The following FNDC7 variants were observed in gnomAD, a reference collection of about 807,000 sequenced individuals.
FNDC7 encodes the protein fibronectin type III domain-containing protein 7.
In FNDC7, 66 loss-of-function variants were observed where a neutral mutation model predicts 74.2. The observed-to-expected ratio is 0.89, with a 90% CI of 0.73 to 1.09. The LOEUF (loss-of-function observed/expected upper bound fraction) is 1.09. FNDC7 is among the 50% of genes least tolerant of loss of function. The pLI is 0.00. For missense variants in FNDC7, 829 were observed against 893.4 expected (o/e 0.93, Z 0.92); for synonymous variants, 307 against 330.2 (o/e 0.93, Z 0.76).
In FNDC7 at chr1:108,717,989, G is replaced by T; in HGVS notation, c.295G>T (p.Ala99Ser). ...AATCACCATCAGATCCATCAGCGCT[G>T]CTGGGAGAAGCCAGGCGTCACCTCC... ...YEITIRSISA[A>S]GRSQASPPKQ... Residue 99 changes from alanine (A) to serine (S), a missense_variant, in exon 3 of 13, where the codon GCT (alanine) becomes TCT (serine). Coordinates refer to ENST00000370017, the MANE Select transcript of FNDC7 (RefSeq NM_001144937.3). 1 of 1,551,740 alleles carries T rather than the reference G, an allele frequency of 6.4e-7. No individual in the cohort carries two copies. Among genetic ancestry groups the T allele is most frequent in the Non-Finnish European group, 8.7e-7 (1 of 1,147,006 alleles).
intron 4 of FNDC7, among the ~76,000 whole-genome samples, chr1:108,721,671 TAAGAA>T (rs767472658): frequency 2.0e-5 from 3 of 152,192 alleles, no homozygotes; most frequent in Non-Finnish European, 2.9e-5. Flanking sequence ...CGGTAACTCT[TAAGAA>T]AGGAAGGTAT....
chr1:108,724,374 T>A (rs1661158305), intron 5 of FNDC7, among the ~76,000 whole-genome samples: 1 of 152,050 alleles, frequency 6.6e-6, no homozygotes, highest in Non-Finnish European at 1.5e-5. Context: ...TCTAGTATCT[T>A]AACTCTATGC....
At position 108,742,513 on chromosome 1, in the gene FNDC7, G is replaced by A. The variant is rs1661672987; in HGVS notation, c.*626G>A. On this transcript the variant is annotated 3_prime_UTR_variant, in exon 13 of 13. Coordinates refer to ENST00000370017, the MANE Select transcript of FNDC7 (RefSeq NM_001144937.3). ...ATCAGGTGGCGTGACATCTATGGGA[G>A]CATCTGGGAAAGCAGAGCTGCCAGC... 1 of 152,256 alleles carries A rather than the reference G, an allele frequency of 6.6e-6. No homozygotes were observed. The highest frequency in any genetic ancestry group is 6.5e-5 in the Admixed American group (1 of 15,284). The allele number at this position is 152,256 out of a possible 1,614,324, so 9.4% of individuals were successfully genotyped here.
intron 9 of FNDC7, 27 bp downstream of exon 9, chr1:108,730,955 C>T (rs765274557): frequency 2.5e-6 from 4 of 1,583,792 alleles, no homozygotes; most frequent in Non-Finnish European, 2.6e-6. Context: ...TCTAGAGTAG[C>T]AGTAAGGACT....
At chr1:108,715,482 T>C (rs998272007) in intron 2 of FNDC7, among the ~76,000 whole-genome samples, 1 of 150,800 alleles carries the variant, frequency 6.6e-6, no homozygotes, top group Non-Finnish European at 1.5e-5. Flanking sequence ...TTGATGCTGG[T>C]CACAGCCTGC....
chr1:108,713,703 G>T (rs1660919559), intron 2 of FNDC7, among the ~76,000 whole-genome samples, 174 bp downstream of exon 2: 1 of 152,128 alleles, frequency 6.6e-6, no homozygotes, highest in Non-Finnish European at 1.5e-5. Context: ...GACAATAACT[G>T]GTAAGACAAA....
At chr1:108,739,793 T>C (rs1187974997) in intron 11 of FNDC7, among the ~76,000 whole-genome samples, 1 of 152,190 alleles carries the variant, frequency 6.6e-6, no homozygotes, top group East Asian at 1.9e-4. Context: ...TCTGTCCTTC[T>C]AGGCTTCAGC....
chr1:108,717,725 A>T lies in FNDC7; in HGVS notation c.83-52A>T, dbSNP rs905718285. 20 of 1,521,516 alleles carry T rather than the reference A, an allele frequency of 1.3e-5. No individual in the cohort carries two copies. The African/African-American group carries it at 2.6e-4, about 20-fold the overall frequency. The allele number at this position is 1,521,516 out of a possible 1,614,324, so 94.3% of individuals were successfully genotyped here. A position where few individuals can be genotyped will look rare whatever the true frequency, so the allele number is the denominator to read the frequency against. ...GCTTGAAGAGTAAAATGATGAAAGA[A>T]GTCATCCTCGTAGGTATCTTGGCTA... is the stretch of plus-strand genomic sequence containing the variant. On this transcript the variant is annotated intron_variant, in intron 2 of 12. Transcript: ENST00000370017.
rs533081338 is a variant in FNDC7, at chr1:108,739,707, T to G, written c.2171-2066T>G. Reference sequence around the variant, plus strand: ...CTGGCCTAGTGAAGTGCCTCTATATTTCCATCAGGTTCCCAGGTGATTTTG... The same window carrying G: ...CTGGCCTAGTGAAGTGCCTCTATATGTCCATCAGGTTCCCAGGTGATTTTG... On this transcript the variant is annotated intron_variant, in intron 11 of 12. Transcript: ENST00000370017. 4.9e-4 allele frequency among the ~76,000 whole-genome samples: 74 copies of G among 152,286 alleles called. No homozygotes were observed. In the South Asian group the frequency reaches 0.015, roughly 30 times the overall value.
chr1:108,739,125 A>C (rs1462658795), intron 11 of FNDC7, among the ~76,000 whole-genome samples: 1 of 152,192 alleles, frequency 6.6e-6, no homozygotes, highest in African/African-American at 2.4e-5. Flanking sequence ...AAAAAATAAA[A>C]ATGTAAAAAT....
chr1:108,732,954 T>G (rs931077928), intron 9 of FNDC7, among the ~76,000 whole-genome samples: 1 of 150,034 alleles, frequency 6.7e-6, no homozygotes, highest in Non-Finnish European at 1.5e-5. Flanking sequence ...TTTTTTTTTT[T>G]GTAGAGTCAG....
chr1:108,737,444 A>G, intron 10 of FNDC7, 51 bp from the exon 11 acceptor site: 1 of 1,462,764 alleles, frequency 6.8e-7, no homozygotes, highest in Non-Finnish European at 9.4e-7. Context: ...TCACTATCTT[A>G]AATACATAAA....
chr1:108,733,620 G>A, intron 10 of FNDC7, 88 bp downstream of exon 10: 1 of 1,228,540 alleles, frequency 8.1e-7, no homozygotes, highest in Non-Finnish European at 1.2e-6. Context: ...TACTATGTAT[G>A]AAGGGCACAG....
chr1:108,720,394 C>T (rs1013205443), intron 4 of FNDC7, among the ~76,000 whole-genome samples: 11 of 152,188 alleles, frequency 7.2e-5, no homozygotes, highest in Non-Finnish European at 1.2e-4. Context: ...GCCGACACAG[C>T]GAGGCACAGG....
intron 6 of FNDC7, 133 bp from the exon 7 acceptor site, chr1:108,727,675 C>T (rs1661248036): frequency 1.9e-6 from 2 of 1,070,846 alleles, no homozygotes; most frequent in South Asian, 1.5e-5. Context: ...CCTTGACAGA[C>T]CCATAGGGAG....
At position 108,718,050 on chromosome 1, in the gene FNDC7, ATCC is replaced by A; in HGVS notation, c.337+23_337+25del. 1 of 1,550,306 alleles carries A rather than the reference ATCC, an allele frequency of 6.5e-7. No individual in the cohort carries two copies. Among genetic ancestry groups the A allele is most frequent in the Non-Finnish European group, 8.7e-7 (1 of 1,145,830 alleles). On this transcript the variant is annotated intron_variant, in intron 3 of 12. Coordinates refer to ENST00000370017, the MANE Select transcript of FNDC7 (RefSeq NM_001144937.3). ...AAGACAGGTGGCTGGATGGATGCTCATCCTCCGTTGAGTGTTTGCTTGTGACTT... is the reference window on the plus strand; with the variant it reads ...AAGACAGGTGGCTGGATGGATGCTCATCCGTTGAGTGTTTGCTTGTGACTT...
chr1:108,732,760 GTCTT>G (rs925325885), intron 9 of FNDC7, among the ~76,000 whole-genome samples: 10 of 147,536 alleles, frequency 6.8e-5, no homozygotes, highest in African/African-American at 2.0e-4. Context: ...CTTTCTGTCT[GTCTT>G]TCTTTCTTTT....
In FNDC7 at chr1:108,712,923, T is replaced by C; in HGVS notation, c.-11T>C. 1 of 1,551,440 alleles carries C rather than the reference T, an allele frequency of 6.4e-7. No individual in the cohort carries two copies. Among genetic ancestry groups the C allele is most frequent in the East Asian group, 2.4e-5 (1 of 40,926 alleles). ...TTTGTTTTGTGCCATGTGAGTACTA[T>C]GTCCAACAGGATGGCTGGTGGACGA... On this transcript the variant is annotated 5_prime_UTR_variant, in exon 1 of 13. An upstream start codon of the reference 5' UTR is lost. Coordinates refer to ENST00000370017, the MANE Select transcript of FNDC7 (RefSeq NM_001144937.3).
intron 4 of FNDC7, 72 bp downstream of exon 4, chr1:108,719,121 T>C: frequency 6.7e-7 from 1 of 1,499,364 alleles, no homozygotes; most frequent in Non-Finnish European, 9.0e-7. Context: ...GTTGCAGCCA[T>C]CAAGGGCAGT....
Sources: allele counts gnomAD v4.1 joint callset (sites outside exome capture counted in the v4.1 genomes callset), GRCh38; gene constraint gnomAD v4.1.1; transcripts MANE v1.5; gene names NCBI Gene and HGNC (gene_info 2026-07-23, HGNC 2026-07-21).